Variants in PCDH9 observed in about 807,000 individuals in gnomAD.
PCDH9 encodes protocadherin 9.
Under a neutral mutation model 70.6 loss-of-function variants are expected in PCDH9, and 24 were observed. The ratio of observed to expected loss-of-function variants is 0.34; its 90% CI spans 0.25 to 0.48. PCDH9 has a LOEUF of 0.48. Among genes scored for constraint, PCDH9 ranks in the 20% least tolerant of loss-of-function variants. PCDH9 has a pLI of 0.99. For synonymous variants in PCDH9, 562 were observed against 558.5 expected (o/e 1.01, Z -0.09); for missense variants, 1,281 against 1,503.6 (o/e 0.85, Z 2.45).
chr13:66,678,864 C>T (rs549865468), intron 3 of PCDH9, among the ~76,000 whole-genome samples: 2 of 151,814 alleles, frequency 1.3e-5, no homozygotes, highest in African/African-American at 4.8e-5. Flanking sequence ...TTAGTATGTT[C>T]TTTTGCAAGA....
intron 2 of PCDH9, among the ~76,000 whole-genome samples, chr13:67,107,642 C>G (rs2086574979): frequency 6.6e-6 from 1 of 152,194 alleles, no homozygotes; most frequent in Admixed American, 6.5e-5. Context: ...CTCAATGAAG[C>G]TCCTCTCCAC....
chr13:66,941,460 A>G (rs907346173), intron 2 of PCDH9, among the ~76,000 whole-genome samples: 2 of 151,834 alleles, frequency 1.3e-5, no homozygotes, highest in Admixed American at 1.3e-4. Context: ...AGGCAGAGAC[A>G]TCCATAATGA....
chr13:66,882,187 G>C (rs745361384), intron 3 of PCDH9, among the ~76,000 whole-genome samples: 4 of 152,138 alleles, frequency 2.6e-5, no homozygotes, highest in Non-Finnish European at 4.4e-5. Context: ...ATGTGCCATG[G>C]AGAAACTCTG....
chr13:66,738,309 C>T (rs2079191414), intron 3 of PCDH9, among the ~76,000 whole-genome samples: 1 of 151,636 alleles, frequency 6.6e-6, no homozygotes, highest in African/African-American at 2.4e-5. Context: ...AACTAACAAA[C>T]AGAAAGGACA....
chr13:67,141,007 G>A (rs2087371966), intron 2 of PCDH9, among the ~76,000 whole-genome samples: 1 of 151,992 alleles, frequency 6.6e-6, no homozygotes, highest in Non-Finnish European at 1.5e-5. Context: ...ATTATTGGAA[G>A]CTATCTTTTC....
At chr13:66,860,095 A>G (rs1355591230) in intron 3 of PCDH9, among the ~76,000 whole-genome samples, 4 of 152,208 alleles carry the variant, frequency 2.6e-5, no homozygotes, top group South Asian at 2.1e-4. Context: ...AGGGTAATAG[A>G]GTCAAGGACG....
intron 2 of PCDH9, among the ~76,000 whole-genome samples, chr13:66,924,545 T>C (rs28459050): frequency 0.42 from 63,329 of 151,428 alleles, 14,550 homozygotes; most frequent in African/African-American, 0.62. Flanking sequence ...ACTAGAGACG[T>C]TCTTCATGTA....
At chr13:66,827,022 A>G (rs1171833251) in intron 3 of PCDH9, among the ~76,000 whole-genome samples, 1 of 152,198 alleles carries the variant, frequency 6.6e-6, no homozygotes, top group Non-Finnish European at 1.5e-5. Flanking sequence ...CTGGATTGTA[A>G]GGGTGGAATA....
chr13:66,604,754 C>T (rs1015407139), intron 4 of PCDH9, among the ~76,000 whole-genome samples: 1 of 151,886 alleles, frequency 6.6e-6, no homozygotes, highest in Non-Finnish European at 1.5e-5. Context: ...TTTTCAACGC[C>T]ATCATTCAAT....
chr13:66,878,211 A>G (rs903482824), intron 3 of PCDH9, among the ~76,000 whole-genome samples: 2 of 151,426 alleles, frequency 1.3e-5, no homozygotes, highest in African/African-American at 4.8e-5. Flanking sequence ...TATTATTATT[A>G]TTTTATTTTT....
At chr13:66,413,139 A>T (rs1278459648) in intron 4 of PCDH9, among the ~76,000 whole-genome samples, 6 of 152,180 alleles carry the variant, frequency 3.9e-5, no homozygotes, top group African/African-American at 1.4e-4. Context: ...CTTCTAATTC[A>T]TTCCCTCTCT....
chr13:67,110,879 C>T (rs997178499), intron 2 of PCDH9, among the ~76,000 whole-genome samples: 3 of 152,140 alleles, frequency 2.0e-5, no homozygotes, highest in African/African-American at 4.8e-5. Context: ...TACCCTGTTT[C>T]GTGTTACAAT....
At chr13:66,477,957 T>C (rs1958764169) in intron 4 of PCDH9, among the ~76,000 whole-genome samples, 1 of 152,240 alleles carries the variant, frequency 6.6e-6, no homozygotes, top group African/African-American at 2.4e-5. Context: ...TTCCCCTTAC[T>C]GTGCTTCCCA....
intron 4 of PCDH9, among the ~76,000 whole-genome samples, chr13:66,409,724 CT>C (rs1449907791): frequency 6.6e-6 from 1 of 152,142 alleles, no homozygotes; most frequent in African/African-American, 2.4e-5. Flanking sequence ...TCAAGATCAC[CT>C]CATTTTTATT....
chr13:66,851,977 C>T, intron 3 of PCDH9, among the ~76,000 whole-genome samples: 1 of 151,864 alleles, frequency 6.6e-6, no homozygotes, highest in South Asian at 2.1e-4. Context: ...ATGGCCTTTC[C>T]TCTGATTGTG....
At chr13:66,408,214 G>A (rs569903243) in intron 4 of PCDH9, among the ~76,000 whole-genome samples, 14 of 151,910 alleles carry the variant, frequency 9.2e-5, no homozygotes, top group South Asian at 2.1e-4. Context: ...GCCCGCCACC[G>A]CGCCCGGCTA....
chr13:66,879,173 T>TA (rs1412678025), intron 3 of PCDH9, among the ~76,000 whole-genome samples: 2 of 152,140 alleles, frequency 1.3e-5, no homozygotes, highest in Admixed American at 6.6e-5. Flanking sequence ...TGGAGTCAAA[T>TA]AAAAAATCTA....
chr13:66,436,268 C>T (rs895624861), intron 4 of PCDH9, among the ~76,000 whole-genome samples: 8 of 152,022 alleles, frequency 5.3e-5, no homozygotes, highest in Non-Finnish European at 8.8e-5. Flanking sequence ...AAAGTGAGTC[C>T]CCTTGTTGCC....
chr13:67,054,952 T>A (rs1293755203), intron 2 of PCDH9, among the ~76,000 whole-genome samples: 2 of 152,194 alleles, frequency 1.3e-5, no homozygotes, highest in Admixed American at 6.5e-5. Flanking sequence ...TAAGCACAGC[T>A]CTATTTGCTT....
Sources: allele counts gnomAD v4.1 joint callset (sites outside exome capture counted in the v4.1 genomes callset), GRCh38; gene constraint gnomAD v4.1.1; transcripts MANE v1.5; gene names NCBI Gene and HGNC (gene_info 2026-07-23, HGNC 2026-07-21).